Variants in TMC8 observed in about 807,000 individuals in gnomAD.
The protein encoded by TMC8 is transmembrane channel-like protein 8.
A neutral mutation model predicts 76.0 loss-of-function variants in TMC8; 71 were observed. The ratio of observed to expected loss-of-function variants is 0.93; its 90% CI spans 0.77 to 1.14. TMC8 has a LOEUF of 1.14. Among genes scored for constraint, TMC8 ranks in the 50% most tolerant of loss-of-function variants. The probability of loss-of-function intolerance (pLI) is 0.00; values close to 1 mark genes in which losing one functional copy is unlikely to be tolerated. For synonymous variants in TMC8, 433 were observed against 433.8 expected (o/e 1.00, Z 0.02); for missense variants, 924 against 947.9 (o/e 0.97, Z 0.33).
intron 3 of TMC8, 126 bp from the exon 4 acceptor site, chr17:78,132,233 T>G: frequency 7.2e-7 from 1 of 1,396,984 alleles, no homozygotes; most frequent in Non-Finnish European, 9.9e-7. Context: ...CAGCGGTACC[T>G]CCGGACTCGG....
At chr17:78,137,391 C>G in intron 10 of TMC8, 33 bp downstream of exon 10, 1 of 1,613,334 alleles carries the variant, frequency 6.2e-7, no homozygotes. Flanking sequence ...CTGTCCCTCC[C>G]TTCCTTCTCC....
At chr17:78,133,633 G>C in intron 6 of TMC8, 91 bp downstream of exon 6, 1 of 1,589,332 alleles carries the variant, frequency 6.3e-7, no homozygotes. Context: ...TTGGCAGGAA[G>C]GCCCATGGCC....
In TMC8 at chr17:78,132,890, G is replaced by C. The variant is rs373321007; in HGVS notation, c.531+20G>C. 49 of 1,613,578 alleles carry C rather than the reference G, an allele frequency of 3.0e-5. No homozygotes were observed. The African/African-American group carries it at 5.6e-4, about 18-fold the overall frequency. On this transcript the variant is annotated intron_variant, in intron 5 of 15. Coordinates refer to ENST00000318430, the MANE Select transcript of TMC8 (RefSeq NM_152468.5). Reference sequence around the variant, plus strand: ...GGCAGGGTGAGTGAGGTCTGTCCCGGCTATGGTCCAGAGTCTGGGAGACCC... The same window carrying C: ...GGCAGGGTGAGTGAGGTCTGTCCCGCCTATGGTCCAGAGTCTGGGAGACCC...
At chr17:78,133,628 A>ATTG in intron 6 of TMC8, 86 bp downstream of exon 6, 2 of 1,592,288 alleles carry the variant, frequency 1.3e-6, no homozygotes, top group Non-Finnish European at 1.7e-6. Context: ...TCCCATTGGC[A>ATTG]GGAAGGCCCA....
At position 78,139,182 on chromosome 17, in the gene TMC8, T is replaced by G. The variant is rs746394939; in HGVS notation, c.1844T>G (p.Val615Gly). 1.9e-6 allele frequency: 3 copies of G among 1,613,452 alleles called. No homozygotes were observed. The African/African-American group carries it at 4.0e-5, about 22-fold the overall frequency. ...IMLSLVLTVCVSQTQANARAI... is the reference protein window; with the variant it reads ...IMLSLVLTVCGSQTQANARAI... The stretch of plus-strand genomic sequence containing the variant: ...CCAAGCCTTGTCCTGACGGTGTGCG[T>G]CTCCCAGACCCAGGCCAATGCCAGG... Residue 615 changes from valine to glycine, a missense_variant, in exon 15 of 16, where the codon GTC (valine) becomes GGC (glycine). Val to Gly is a moderately radical substitution (Grantham distance 109). Coordinates refer to ENST00000318430, the MANE Select transcript of TMC8 (RefSeq NM_152468.5).
intron 3 of TMC8, 41 bp from the exon 4 acceptor site, chr17:78,132,318 C>T (rs531747560): frequency 1.2e-6 from 2 of 1,609,284 alleles, no homozygotes; most frequent in East Asian, 2.2e-5. Flanking sequence ...GCCCCAGCCC[C>T]GGCCCCGGCC....
intron 15 of TMC8, among the ~76,000 whole-genome samples, chr17:78,139,728 TAAAAAAAAAAAAAA>T (rs34917993): frequency 3.2e-5 from 2 of 62,760 alleles, no homozygotes; most frequent in Admixed American, 1.8e-4. Context: ...CGTCTCTACT[TAAAAAAAAAAAAAA>T]AAAAAAAAAA....
Position 78,135,022 on chromosome 17 carries a change from C to T in TMC8, c.1127+13C>T. On this transcript the variant is annotated intron_variant, in intron 9 of 15. Transcript: ENST00000318430. ...TCACTCTGATCTGGTGAGTGCCACC[C>T]TTGGTGGGGACAAGTGGGCATGTAA... is the stretch of plus-strand genomic sequence containing the variant. The T allele has an allele frequency of 6.2e-7, 1 of 1,613,830 alleles. No homozygotes were observed. Among genetic ancestry groups the T allele is most frequent in the Non-Finnish European group, 8.5e-7 (1 of 1,179,916 alleles).
rs2075366902 is a variant in TMC8, at chr17:78,141,166, T to G, written c.*54T>G. ...CTGGGGCCCCTTCAGGCCTCCTTAC[T>G]CCATCTTCCAGACCCCTGGCGACCA... On this transcript the variant is annotated 3_prime_UTR_variant, in exon 16 of 16. Transcript: ENST00000318430. 1 of 1,452,084 alleles carries G rather than the reference T, an allele frequency of 6.9e-7. No homozygotes were observed. Among genetic ancestry groups the G allele is most frequent in the Non-Finnish European group, 9.1e-7 (1 of 1,100,846 alleles). The allele number at this position is 1,452,084 out of a possible 1,614,324, so 89.9% of individuals were successfully genotyped here.
chr17:78,134,116 A>G, intron 7 of TMC8, 116 bp downstream of exon 7: 1 of 1,485,022 alleles, frequency 6.7e-7, no homozygotes, highest in Non-Finnish European at 9.4e-7. Context: ...AGTGTGTGTG[A>G]GCGTGTGTGG....
At chr17:78,137,853 C>T in intron 11 of TMC8, 39 bp downstream of exon 11, 1 of 1,606,262 alleles carries the variant, frequency 6.2e-7, no homozygotes. Context: ...GGCGGGGGTG[C>T]CGCGAGCATG....
Position 78,137,989 on chromosome 17 carries a change from CCTCCCAT to C in TMC8, c.1350-14_1350-8del, listed in dbSNP as rs2075278919. 2 of 1,613,502 alleles carry C rather than the reference CCTCCCAT, an allele frequency of 1.2e-6. No homozygotes were observed. Among genetic ancestry groups the C allele is most frequent in the African/African-American group, 2.7e-5 (2 of 75,022 alleles). On this transcript the variant is annotated splice_polypyrimidine_tract_variant and intron_variant, in intron 11 of 15. Coordinates refer to ENST00000318430, the MANE Select transcript of TMC8 (RefSeq NM_152468.5). ...TGTCTGGAGTGGTGAGTACCTGGAC[CCTCCCAT>C]CCCTGCAGGCTGCTGGTGGACCGGT...
Position 78,131,552 on chromosome 17 carries a change from C to T in TMC8, c.-37C>T. ...CGGGGACTCATATCCCCCCCACCGG[C>T]AGCCCGGCGCCCCAGCCTCTACCCG... On this transcript the variant is annotated 5_prime_UTR_variant, in exon 2 of 16. Coordinates refer to ENST00000318430, the MANE Select transcript of TMC8 (RefSeq NM_152468.5). The T allele has an allele frequency of 8.4e-6, 13 of 1,538,616 alleles. No homozygotes were observed. The highest frequency in any genetic ancestry group is 1.4e-5 in the African/African-American group (1 of 73,090).
At chr17:78,140,315 C>T (rs2075340035) in intron 15 of TMC8, among the ~76,000 whole-genome samples, 1 of 148,186 alleles carries the variant, frequency 6.7e-6, no homozygotes. Flanking sequence ...CAGGGAGACA[C>T]CCAGTTTCCA....
intron 10 of TMC8, 116 bp from the exon 11 acceptor site, chr17:78,137,601 A>C: frequency 8.7e-7 from 1 of 1,155,496 alleles, no homozygotes; most frequent in Non-Finnish European, 1.3e-6. Flanking sequence ...CAACCTAACG[A>C]TTCTATCAGA....
intron 8 of TMC8, 42 bp from the exon 9 acceptor site, chr17:78,134,828 C>G (rs751446378): frequency 1.9e-6 from 3 of 1,610,540 alleles, no homozygotes; most frequent in Non-Finnish European, 2.5e-6. Flanking sequence ...CAGACAGGGG[C>G]CCCCCAGCAC....
chr17:78,138,610 C>A lies in TMC8; in HGVS notation c.1701C>A (p.Asn567Lys). Reference sequence around the variant, plus strand: ...CCTGGGACTGCGGCCTCTTCACCAACTACTCAGCACCCTGGCAAGTGGTCC... The same window carrying A: ...CCTGGGACTGCGGCCTCTTCACCAAATACTCAGCACCCTGGCAAGTGGTCC... ...HSSWDCGLFT[N>K]YSAPWQVVPE... Residue 567 changes from asparagine (N) to lysine (K), a missense_variant, in exon 14 of 16, where the codon AAC becomes AAA. Transcript: ENST00000318430. 6.2e-7 allele frequency: 1 copy of A among 1,613,982 alleles called. No homozygotes were observed. The highest frequency in any genetic ancestry group is 8.5e-7 in the Non-Finnish European group (1 of 1,180,032).
chr17:78,137,431 C>T, intron 10 of TMC8, 73 bp downstream of exon 10: 1 of 1,608,696 alleles, frequency 6.2e-7, no homozygotes, highest in African/African-American at 1.3e-5. Context: ...CTGTGCAGAG[C>T]CCTGTTCCTG....
At position 78,131,540 on chromosome 17, in the gene TMC8, C is replaced by G. The variant is rs756036670; in HGVS notation, c.-49C>G. 7.2e-6 allele frequency: 11 copies of G among 1,533,716 alleles called. No individual in the cohort carries two copies. Among genetic ancestry groups the G allele is most frequent in the Admixed American group, 5.9e-5 (3 of 50,910 alleles). ...GGCTCATCCAACCGGGGACTCATAT[C>G]CCCCCCACCGGCAGCCCGGCGCCCC... is the stretch of plus-strand genomic sequence containing the variant. On this transcript the variant is annotated 5_prime_UTR_variant, in exon 2 of 16. In the 5' UTR this introduces an upstream ATG that the reference lacks. Coordinates refer to ENST00000318430, the MANE Select transcript of TMC8 (RefSeq NM_152468.5).
Sources: gnomAD v4.1 joint callset for allele counts (sites outside exome capture counted in the v4.1 genomes callset) on GRCh38, gnomAD v4.1.1 for gene constraint, MANE v1.5 for transcripts, NCBI Gene and HGNC (gene_info 2026-07-23, HGNC 2026-07-21) for gene names.